Variants in GGA3 observed in about 807,000 individuals in gnomAD.
GGA3 encodes the protein golgi associated, gamma adaptin ear containing, ARF binding protein 3, also known as ADP-ribosylation factor-binding protein GGA3.
Under a neutral mutation model 77.5 loss-of-function variants are expected in GGA3, and 57 were observed. The observed-to-expected ratio is 0.74, with a 90% CI of 0.59 to 0.92. The LOEUF (loss-of-function observed/expected upper bound fraction) is 0.92, where lower values mean the gene tolerates loss of function less well. Ranked by LOEUF, GGA3 falls within the 40% of genes least tolerant of loss-of-function variation. GGA3 has a pLI of 0.00. For synonymous variants in GGA3, 416 were observed against 383.7 expected, an observed-to-expected ratio of 1.08 and a Z score of -0.98; for missense variants, 970 against 914.9, an observed-to-expected ratio of 1.06 and a Z score of -0.78.
rs761002913 is a variant in GGA3 at position 75,238,116 on chromosome 17, T to TCA, written c.*161_*162dup. 3.1e-5 allele frequency: 44 copies of TCA among 1,418,326 alleles called. No homozygotes were observed. Among genetic ancestry groups the TCA allele is most frequent in the Non-Finnish European group, 3.5e-5 (38 of 1,089,738 alleles). The allele number at this position is 1,418,326 out of a possible 1,614,324, so 87.9% of individuals were successfully genotyped here. ...CTTTTAGGGGCCAAAGGAGAGGTTATCACAGCAGCAGTTTGGTTCTCAGCA... is the reference window on the plus strand; with the variant it reads ...CTTTTAGGGGCCAAAGGAGAGGTTATCACACAGCAGCAGTTTGGTTCTCAGCA... On this transcript the variant is annotated 3_prime_UTR_variant, in exon 17 of 17. Transcript: ENST00000537686.
intron 16 of GGA3, 48 bp downstream of exon 16, chr17:75,238,604 G>A: frequency 7.5e-7 from 1 of 1,337,804 alleles, no homozygotes; most frequent in Non-Finnish European, 1.1e-6. Flanking sequence ...TCCTAATCTG[G>A]GGCAGCTGGG....
intron 1 of GGA3, among the ~76,000 whole-genome samples, chr17:75,259,102 C>T (rs1220721352): frequency 6.6e-6 from 1 of 151,996 alleles, no homozygotes; most frequent in Non-Finnish European, 1.5e-5. Context: ...TACAGGCGCC[C>T]GCCACTACGC....
Position 75,246,639 on chromosome 17 carries a change from G to GC in GGA3, c.126-56dup. On this transcript the variant is annotated intron_variant, in intron 2 of 16. Coordinates refer to ENST00000537686, the MANE Select transcript of GGA3 (RefSeq NM_138619.4). The stretch of plus-strand genomic sequence containing the variant: ...CACTAAGCCTGGGGCTACCTGGCTG[G>GC]CCCTCCTTGGCCATGGTTGTTCCCC... 1.9e-6 allele frequency: 3 copies of GC among 1,579,298 alleles called. No homozygotes were observed. In the South Asian group the frequency reaches 3.3e-5, roughly 17 times the overall value.
Position 75,237,506 on chromosome 17 carries a change from T to C in GGA3, c.*773A>G. The C allele has an allele frequency of 1.3e-6, 2 of 1,535,486 alleles. No homozygotes were observed. The highest frequency in any genetic ancestry group is 2.4e-5 in the East Asian group (1 of 40,910). ...CCTGTCCCCACGGCTGGAGGCACGC[T>C]TTTCCCAGAAAGCTGAGTACCTGCT... On this transcript the variant is annotated 3_prime_UTR_variant, in exon 17 of 17. Transcript: ENST00000537686.
intron 3 of GGA3, 132 bp from the exon 4 acceptor site, chr17:75,244,849 G>A: frequency 1.5e-6 from 1 of 682,276 alleles, no homozygotes; most frequent in Non-Finnish European, 2.6e-6. Flanking sequence ...ACGAAAAGCA[G>A]TGTGCACTGC....
intron 1 of GGA3, among the ~76,000 whole-genome samples, chr17:75,247,336 C>T (rs553293562): frequency 5.9e-5 from 9 of 151,592 alleles, no homozygotes; most frequent in Non-Finnish European, 1.3e-4. Flanking sequence ...GATCTCGGCT[C>T]ATTGCAGCCT....
At chr17:75,260,837 G>A (rs1385881662) in intron 1 of GGA3, among the ~76,000 whole-genome samples, 1 of 151,730 alleles carries the variant, frequency 6.6e-6, no homozygotes. Flanking sequence ...TATAACTACA[G>A]CTTCAGACTG....
rs144558859 is a variant in GGA3 at position 75,251,385 on chromosome 17, G to C, written c.41-4589C>G. 2.4e-3 allele frequency among the ~76,000 whole-genome samples: 364 copies of C among 151,784 alleles called. 1 individual carries two copies. Among genetic ancestry groups the C allele is most frequent in the African/African-American group, 8.6e-3 (355 of 41,390 alleles). ...CAAAAAACAAGACAGTAGATAATTG[G>C]GCTAATTTGGTACAGAAATGAGTGT... On this transcript the variant is annotated intron_variant, in intron 1 of 16. Coordinates refer to ENST00000537686, the MANE Select transcript of GGA3 (RefSeq NM_138619.4).
rs1393062349 is a variant in GGA3, at chr17:75,237,466, T to C, written c.*813A>G. 3 of 1,533,572 alleles carry C rather than the reference T, an allele frequency of 2.0e-6. No homozygotes were observed. The highest frequency in any genetic ancestry group is 2.0e-5 in the Admixed American group (1 of 50,970). The allele number at this position is 1,533,572 out of a possible 1,614,324, so 95.0% of individuals were successfully genotyped here. On this transcript the variant is annotated 3_prime_UTR_variant, in exon 17 of 17. Transcript: ENST00000537686. ...AGTTTATTTCATGCCAAGCAAGAGG[T>C]AGTCAGTAGGATGGCCTGTCCCCAC...
At position 75,238,171 on chromosome 17, in the gene GGA3, A is replaced by G; in HGVS notation, c.*108T>C. On this transcript the variant is annotated 3_prime_UTR_variant, in exon 17 of 17. Transcript: ENST00000537686. The stretch of plus-strand genomic sequence containing the variant: ...TGCCCAGGGCCCCTGTTCCACATCA[A>G]AGCTACAAGCACTGTTGTCAGGGCA... 4 of 1,504,440 alleles carry G rather than the reference A, an allele frequency of 2.7e-6. No individual in the cohort carries two copies. The highest frequency in any genetic ancestry group is 3.5e-6 in the Non-Finnish European group (4 of 1,128,086). 93.2% of individuals were successfully genotyped at this position (1,504,440 alleles called of 1,614,324 possible). A position where few individuals can be genotyped will look rare whatever the true frequency, so the allele number is the denominator to read the frequency against.
At chr17:75,243,675 C>G in intron 4 of GGA3, 105 bp from the exon 5 acceptor site, 1 of 1,157,138 alleles carries the variant, frequency 8.6e-7, no homozygotes. Flanking sequence ...AGCTATGGTC[C>G]TACTCAAAAT....
intron 8 of GGA3, chr17:75,242,055 G>A (rs1038686688): frequency 3.6e-6 from 2 of 556,004 alleles, no homozygotes; most frequent in Non-Finnish European, 6.5e-6. Flanking sequence ...AGGTAGTAAG[G>A]AAAGGGAGAG....
In GGA3 at chr17:75,242,344, GCT is replaced by G; in HGVS notation, c.737_738del (p.Glu246AlafsTer7). ...GCCGTCGGCGGTCCCACCTTCATCA[GCT>G]CTCTGTCCCCGTCCGAAGAGTCCTC... ...SQEDSSDGDR[E>X]LMKELFDQCE... On this transcript the variant is annotated frameshift_variant, in exon 8 of 17. Coordinates refer to ENST00000537686, the MANE Select transcript of GGA3 (RefSeq NM_138619.4). LOFTEE classifies it high-confidence loss of function. 1.9e-6 allele frequency: 3 copies of G among 1,614,150 alleles called. No individual in the cohort carries two copies. Among genetic ancestry groups the G allele is most frequent in the Non-Finnish European group, 2.5e-6 (3 of 1,180,016 alleles).
intron 8 of GGA3, 37 bp from the exon 9 acceptor site, chr17:75,241,733 G>A: frequency 6.5e-7 from 1 of 1,539,306 alleles, no homozygotes; most frequent in Non-Finnish European, 9.0e-7. Flanking sequence ...AAACCACAAA[G>A]GCCCTTAGAG....
rs547040750 is a variant in GGA3, at chr17:75,244,611, T to C, written c.300+8A>G. The C allele has an allele frequency of 6.3e-7, 1 of 1,583,424 alleles. No individual in the cohort carries two copies. The highest frequency in any genetic ancestry group is 2.2e-5 in the East Asian group (1 of 44,758). ...TCCCTAAAAGCGAGGAATCTGCCGC[T>C]GACTGACCTTTGGAGAGACGACTTT... On this transcript the variant is annotated splice_region_variant and intron_variant, in intron 4 of 16. Transcript: ENST00000537686.
Position 75,243,074 on chromosome 17 carries a change from C to T in GGA3, c.517G>A (p.Glu173Lys), listed in dbSNP as rs773474107. 5 of 1,611,636 alleles carry T rather than the reference C, an allele frequency of 3.1e-6. No individual in the cohort carries two copies. The highest frequency in any genetic ancestry group is 4.2e-6 in the Non-Finnish European group (5 of 1,178,124). ...RPKNPVFDDE[E>K]KSKLLAKLLK... ...AGGGTGTCCTTTACCTTGGACTTCT[C>T]CTCATCATCAAAAACAGGGTTTTTG... The change falls in exon 6 of 17, where the codon GAG becomes AAG. Residue 173 changes from glutamate (E) to lysine (K), a missense_variant. Coordinates refer to ENST00000537686, the MANE Select transcript of GGA3 (RefSeq NM_138619.4).
intron 15 of GGA3, 32 bp from the exon 16 acceptor site, chr17:75,238,794 T>G: frequency 6.3e-7 from 1 of 1,587,334 alleles, no homozygotes; most frequent in Non-Finnish European, 8.6e-7. Flanking sequence ...TGAAGAGAAC[T>G]GGTAGGTGCC....
chr17:75,239,515 G>A lies in GGA3; in HGVS notation c.1640C>T (p.Ala547Val), dbSNP rs1364388349. The change falls in exon 14 of 17, where the codon GCC (alanine) becomes GTC (valine). Residue 547 changes from alanine to valine, a missense_variant. Transcript: ENST00000537686. ...TSPLIPTTTPARPLLPFSTGP... is the reference protein window; with the variant it reads ...TSPLIPTTTPVRPLLPFSTGP... ...CGTGGAGAAGGGCAGGAGGGGCCTG[G>A]CTGGGGTGGTGGTGGGGATGAGAGG... is the stretch of plus-strand genomic sequence containing the variant. 6.4e-7 allele frequency: 1 copy of A among 1,572,630 alleles called. No homozygotes were observed. The highest frequency in any genetic ancestry group is 8.6e-7 in the Non-Finnish European group (1 of 1,162,638).
intron 1 of GGA3, among the ~76,000 whole-genome samples, chr17:75,250,800 G>C (rs193151702): frequency 1.1e-3 from 155 of 145,560 alleles, no homozygotes; most frequent in Admixed American, 0.01. Flanking sequence ...CATATGGTCT[G>C]GGCACGGTGG....
Sources: gnomAD v4.1 joint callset for allele counts (sites outside exome capture counted in the v4.1 genomes callset) on GRCh38, gnomAD v4.1.1 for gene constraint, MANE v1.5 for transcripts, NCBI Gene and HGNC (gene_info 2026-07-23, HGNC 2026-07-21) for gene names.